CACNA2D3: variants seen among roughly 807,000 people sequenced by gnomAD.
CACNA2D3 encodes the protein voltage-dependent calcium channel subunit alpha-2/delta-3.
CACNA2D3 carries 60 observed loss-of-function variants against 160.6 expected under a neutral mutation model. The observed-to-expected ratio is 0.37, with a 90% CI of 0.30 to 0.46. The LOEUF (loss-of-function observed/expected upper bound fraction) is 0.46. Ranked by LOEUF, CACNA2D3 falls within the 20% of genes least tolerant of loss-of-function variation. CACNA2D3 has a pLI of 1.00. For missense variants in CACNA2D3, 1,205 were observed against 1,365.0 expected (o/e 0.88, Z 1.85); for synonymous variants, 558 against 492.9 (o/e 1.13, Z -1.75).
At chr3:54,677,684 T>G (rs1274014309) in intron 11 of CACNA2D3, among the ~76,000 whole-genome samples, 5 of 152,280 alleles carry the variant, frequency 3.3e-5, no homozygotes, top group Non-Finnish European at 2.9e-5. Flanking sequence ...AAATCATGTT[T>G]TATTATCATG....
intron 2 of CACNA2D3, among the ~76,000 whole-genome samples, chr3:54,238,951 A>G (rs1701930616): frequency 6.6e-6 from 1 of 152,248 alleles, no homozygotes; most frequent in South Asian, 2.1e-4. Flanking sequence ...ATATTTTATT[A>G]GCAACATATA....
intron 8 of CACNA2D3, among the ~76,000 whole-genome samples, 159 bp from the exon 9 acceptor site, chr3:54,581,643 GT>G (rs1702679654): frequency 5.9e-5 from 9 of 152,330 alleles, no homozygotes; most frequent in Admixed American, 2.6e-4. Context: ...CATAATCATA[GT>G]TGTCTAGAGG....
chr3:54,135,170 G>T lies in CACNA2D3; in HGVS notation c.204+11576G>T, dbSNP rs546797265. 5.3e-5 allele frequency among the ~76,000 whole-genome samples: 8 copies of T among 152,316 alleles called. No individual in the cohort carries two copies. The East Asian group carries it at 1.5e-3, about 29-fold the overall frequency. On this transcript the variant is annotated intron_variant, in intron 2 of 37. Transcript: ENST00000474759. ...TTTGCTATGATCTCACCTTCTCGGG[G>T]AGCTGCTTCTTTAGTTTGTTTATTT...
intron 3 of CACNA2D3, among the ~76,000 whole-genome samples, chr3:54,325,304 C>T (rs754998990): frequency 2.6e-5 from 4 of 151,960 alleles, no homozygotes; most frequent in African/African-American, 4.8e-5. Context: ...AATTTTGGTG[C>T]GGTACATATA....
intron 11 of CACNA2D3, among the ~76,000 whole-genome samples, chr3:54,659,201 T>A (rs993432914): frequency 6.6e-6 from 1 of 152,204 alleles, no homozygotes; most frequent in African/African-American, 2.4e-5. Flanking sequence ...TTTTGTTATG[T>A]CATCTGCTAG....
rs183232654 is a variant in CACNA2D3, at chr3:54,492,285, A to C, written c.382-11207A>C. Among the ~76,000 whole-genome samples, 278 of 152,314 alleles carry C rather than the reference A, an allele frequency of 1.8e-3. 2 individuals carry two copies. The highest frequency in any genetic ancestry group is 2.7e-3 in the Non-Finnish European group (182 of 68,012). ...AGAACTGTCAAGGTATAACAAAGCC[A>C]GGACCCTTGTTCTTTTCTTCTTATG... On this transcript the variant is annotated intron_variant, in intron 4 of 37. Coordinates refer to ENST00000474759, the MANE Select transcript of CACNA2D3 (RefSeq NM_018398.3).
intron 31 of CACNA2D3, among the ~76,000 whole-genome samples, 167 bp from the exon 32 acceptor site, chr3:55,004,596 C>T (rs1343998236): frequency 6.6e-6 from 1 of 152,258 alleles, no homozygotes; most frequent in East Asian, 1.9e-4. Context: ...ACTGTGCCTC[C>T]AGCACTGGCC....
At chr3:54,182,126 T>C (rs1446941341) in intron 2 of CACNA2D3, among the ~76,000 whole-genome samples, 1 of 152,180 alleles carries the variant, frequency 6.6e-6, no homozygotes, top group Non-Finnish European at 1.5e-5. Context: ...ATGCAAATAC[T>C]TGTGTTTTCT....
intron 11 of CACNA2D3, among the ~76,000 whole-genome samples, chr3:54,713,999 T>C (rs1314034195): frequency 6.6e-6 from 1 of 152,048 alleles, no homozygotes; most frequent in East Asian, 1.9e-4. Flanking sequence ...GGAGGTTAGA[T>C]TTGTTGGTTG....
At chr3:55,067,826 T>C (rs1215903306) in intron 35 of CACNA2D3, among the ~76,000 whole-genome samples, 1 of 152,204 alleles carries the variant, frequency 6.6e-6, no homozygotes, top group East Asian at 1.9e-4. Context: ...AAATGCCAAC[T>C]ACTTACCAGG....
At chr3:54,184,635 A>G (rs1056596717) in intron 2 of CACNA2D3, among the ~76,000 whole-genome samples, 1 of 152,192 alleles carries the variant, frequency 6.6e-6, no homozygotes, top group Admixed American at 6.5e-5. Flanking sequence ...CCCATGGGGA[A>G]GTACTTTATG....
chr3:54,193,683 G>C (rs1358312516), intron 2 of CACNA2D3, among the ~76,000 whole-genome samples: 1 of 152,184 alleles, frequency 6.6e-6, no homozygotes, highest in Non-Finnish European at 1.5e-5. Flanking sequence ...ACTAGGCTGT[G>C]CCAGTCTCAG....
intron 27 of CACNA2D3, chr3:54,924,936 C>G: frequency 6.2e-7 from 1 of 1,612,024 alleles, no homozygotes; most frequent in Non-Finnish European, 8.5e-7. Context: ...GTGCTGAAGC[C>G]CATGGAAAGC....
At chr3:54,175,216 C>T (rs1700652295) in intron 2 of CACNA2D3, among the ~76,000 whole-genome samples, 1 of 152,094 alleles carries the variant, frequency 6.6e-6, no homozygotes, top group Non-Finnish European at 1.5e-5. Context: ...TGAAAGGGGG[C>T]CCCATTGTGT....
chr3:54,662,796 T>A (rs1218377952), intron 11 of CACNA2D3, among the ~76,000 whole-genome samples: 1 of 152,262 alleles, frequency 6.6e-6, no homozygotes, highest in Non-Finnish European at 1.5e-5. Context: ...AGTGTTAATG[T>A]GGAAGCGGAA....
intron 2 of CACNA2D3, among the ~76,000 whole-genome samples, chr3:54,312,688 G>A (rs1703767962): frequency 6.6e-6 from 1 of 152,190 alleles, no homozygotes. Context: ...AATGATAAAT[G>A]TTCTTGGCTC....
chr3:54,951,518 G>A lies in CACNA2D3; in HGVS notation c.2450-16932G>A, dbSNP rs528815185. Among the ~76,000 whole-genome samples, 6 of 152,326 alleles carry A rather than the reference G, an allele frequency of 3.9e-5. No homozygotes were observed. In the East Asian group the frequency reaches 1.2e-3, roughly 29 times the overall value. Reference sequence around the variant, plus strand: ...TGTGAGTTGTAGGATTTCAGTTACTGTGAACTTTGAAGCATCTCTACAGAC... The same window carrying A: ...TGTGAGTTGTAGGATTTCAGTTACTATGAACTTTGAAGCATCTCTACAGAC... On this transcript the variant is annotated intron_variant, in intron 27 of 37. Coordinates refer to ENST00000474759, the MANE Select transcript of CACNA2D3 (RefSeq NM_018398.3).
chr3:54,249,617 G>T (rs1293991092), intron 2 of CACNA2D3, among the ~76,000 whole-genome samples: 1 of 131,638 alleles, frequency 7.6e-6, no homozygotes, highest in Non-Finnish European at 1.5e-5. Flanking sequence ...GCCAGTCTCA[G>T]TAATCGTGAC....
intron 5 of CACNA2D3, among the ~76,000 whole-genome samples, chr3:54,526,166 T>C (rs1474578383): frequency 6.6e-6 from 1 of 152,134 alleles, no homozygotes. Flanking sequence ...TTCCATTTGG[T>C]TCTTTTTATA....
Sources: allele counts gnomAD v4.1 joint callset (sites outside exome capture counted in the v4.1 genomes callset), GRCh38; gene constraint gnomAD v4.1.1; transcripts MANE v1.5; gene names NCBI Gene and HGNC (gene_info 2026-07-23, HGNC 2026-07-21).